The following SSBP2 variants were observed in gnomAD, a reference collection of about 807,000 sequenced individuals.
The protein encoded by SSBP2 is single stranded DNA binding protein 2.
Under a neutral mutation model 61.8 loss-of-function variants are expected in SSBP2, and 17 were observed. The ratio of observed to expected loss-of-function variants is 0.28; its 90% CI spans 0.19 to 0.41. The LOEUF (loss-of-function observed/expected upper bound fraction) is 0.41, where lower values mean the gene tolerates loss of function less well. Ranked by LOEUF, SSBP2 falls within the 10% of genes least tolerant of loss-of-function variation. The pLI, the probability that SSBP2 is intolerant of heterozygous loss-of-function variation, is 1.00. For synonymous variants in SSBP2, 139 were observed against 141.3 expected (o/e 0.98, Z 0.12); for missense variants, 310 against 458.7 (o/e 0.68, Z 2.96).
chr5:81,750,507 CCCCGCGCTG>C (rs1757680837), intron 1 of SSBP2, among the ~76,000 whole-genome samples: 1 of 146,814 alleles, frequency 6.8e-6, no homozygotes, highest in Non-Finnish European at 1.5e-5. Flanking sequence ...CCGCCGCGCT[CCCCGCGCTG>C]CCCGCCCCGA....
At chr5:81,622,442 A>G (rs1035589228) in intron 3 of SSBP2, among the ~76,000 whole-genome samples, 1 of 152,352 alleles carries the variant, frequency 6.6e-6, no homozygotes, top group Admixed American at 6.5e-5. Context: ...GGAGCAGGAC[A>G]TATCTGAGAC....
At position 81,543,478 on chromosome 5, in the gene SSBP2, A is replaced by G. The variant is rs375998448; in HGVS notation, c.283-29761T>C. ...GGGTACTCATGATCATAACGATGCC[A>G]GCAATAGACACTGAAGACTACTAGA... On this transcript the variant is annotated intron_variant, in intron 4 of 16. Coordinates refer to ENST00000320672, the MANE Select transcript of SSBP2 (RefSeq NM_012446.5). Among the ~76,000 whole-genome samples, 6 of 152,320 alleles carry G rather than the reference A, an allele frequency of 3.9e-5. No homozygotes were observed. The South Asian group carries it at 6.2e-4, about 16-fold the overall frequency.
chr5:81,693,866 G>A (rs1161323508), intron 1 of SSBP2, among the ~76,000 whole-genome samples: 4 of 152,130 alleles, frequency 2.6e-5, no homozygotes, highest in Non-Finnish European at 5.9e-5. Context: ...ATATTGAAGA[G>A]ATACCTGCAC....
intron 1 of SSBP2, among the ~76,000 whole-genome samples, chr5:81,668,902 T>C (rs534678445): frequency 6.6e-6 from 1 of 152,252 alleles, no homozygotes; most frequent in African/African-American, 2.4e-5. Context: ...CAAGTGTTCT[T>C]AAATTAAAAT....
chr5:81,574,817 G>C (rs1342978360), intron 4 of SSBP2, among the ~76,000 whole-genome samples: 1 of 151,982 alleles, frequency 6.6e-6, no homozygotes, highest in Non-Finnish European at 1.5e-5. Context: ...TGTCAACCTA[G>C]AGTTTTAAAT....
At chr5:81,455,807 T>C (rs1764105972) in intron 10 of SSBP2, among the ~76,000 whole-genome samples, 1 of 152,074 alleles carries the variant, frequency 6.6e-6, no homozygotes, top group Non-Finnish European at 1.5e-5. Flanking sequence ...GAGAATAAAA[T>C]TAAGGGCCAC....
intron 1 of SSBP2, among the ~76,000 whole-genome samples, chr5:81,731,534 G>A (rs1450057765): frequency 6.6e-6 from 1 of 152,084 alleles, no homozygotes; most frequent in Non-Finnish European, 1.5e-5. Flanking sequence ...TGTTCCAGTA[G>A]CCATTTCAGT....
rs116218984 is a variant in SSBP2 at position 81,607,373 on chromosome 5, C to A, written c.282+8100G>T. Among the ~76,000 whole-genome samples, 425 of 152,276 alleles carry A rather than the reference C, an allele frequency of 2.8e-3. 1 individual carries two copies. The highest frequency in any genetic ancestry group is 7.8e-3 in the African/African-American group (326 of 41,568). Reference sequence around the variant, plus strand: ...ATAGTATGCCTGAAGAATGTACATTCTTTCATTTATCCAGCCATTCTTTCA... The same window carrying A: ...ATAGTATGCCTGAAGAATGTACATTATTTCATTTATCCAGCCATTCTTTCA... On this transcript the variant is annotated intron_variant, in intron 4 of 16. Transcript: ENST00000320672.
Position 81,428,675 on chromosome 5 carries a change from G to T in SSBP2, c.966C>A (p.Pro322=), listed in dbSNP as rs774225155. ...GTTGATTACTCAGGCTCATATTATTGGGAGAATTCTGTAAACAAGATTTAG... is the reference window on the plus strand; with the variant it reads ...GTTGATTACTCAGGCTCATATTATTTGGAGAATTCTGTAAACAAGATTTAG... Residue 322 remains proline, a synonymous_variant, in exon 16 of 17, where the codon CCC becomes CCA. Coordinates refer to ENST00000320672, the MANE Select transcript of SSBP2 (RefSeq NM_012446.5). The T allele has an allele frequency of 3.7e-6, 6 of 1,611,544 alleles. No homozygotes were observed. Among genetic ancestry groups the T allele is most frequent in the Non-Finnish European group, 5.1e-6 (6 of 1,178,232 alleles).
At chr5:81,591,836 A>C (rs1321189096) in intron 4 of SSBP2, among the ~76,000 whole-genome samples, 1 of 151,912 alleles carries the variant, frequency 6.6e-6, no homozygotes, top group Non-Finnish European at 1.5e-5. Flanking sequence ...AACAACAACA[A>C]AAGAAAGGAC....
At chr5:81,448,856 G>T in intron 10 of SSBP2, 31 bp from the exon 11 acceptor site, 2 of 1,580,292 alleles carry the variant, frequency 1.3e-6, no homozygotes, top group South Asian at 2.2e-5. Context: ...AAAAATTTTT[G>T]ATTCATGTAG....
At chr5:81,620,210 G>T (rs867767740) in intron 3 of SSBP2, among the ~76,000 whole-genome samples, 1 of 115,078 alleles carries the variant, frequency 8.7e-6, no homozygotes, top group East Asian at 2.6e-4. Context: ...AAACCCCATC[G>T]TCTCAGCCCA....
At chr5:81,562,611 CA>C (rs1315828245) in intron 4 of SSBP2, among the ~76,000 whole-genome samples, 1 of 152,044 alleles carries the variant, frequency 6.6e-6, no homozygotes, top group East Asian at 1.9e-4. Context: ...ATGAGTAGAA[CA>C]AAATAAAGTG....
At chr5:81,576,489 G>A (rs1267897442) in intron 4 of SSBP2, among the ~76,000 whole-genome samples, 1 of 151,892 alleles carries the variant, frequency 6.6e-6, no homozygotes, top group Non-Finnish European at 1.5e-5. Flanking sequence ...GCACAGAGAG[G>A]TTCATTAACA....
In SSBP2 at chr5:81,625,940, T is replaced by TC. The variant is rs199953681; in HGVS notation, c.198-10384dup. ...ATAAAACGCCATGGAAAACATTTTT[T>TC]CTGAGGAACAAGCCACGTTGTTATA... On this transcript the variant is annotated intron_variant, in intron 3 of 16. Coordinates refer to ENST00000320672, the MANE Select transcript of SSBP2 (RefSeq NM_012446.5). 6.6e-3 allele frequency among the ~76,000 whole-genome samples: 1,005 copies of TC among 152,322 alleles called. 15 individuals carry two copies. Among genetic ancestry groups the TC allele is most frequent in the African/African-American group, 0.023 (965 of 41,572 alleles).
At chr5:81,669,716 AC>A (rs2153783858) in intron 1 of SSBP2, among the ~76,000 whole-genome samples, 1 of 152,056 alleles carries the variant, frequency 6.6e-6, no homozygotes, top group South Asian at 2.1e-4. Context: ...GCAGCAAACC[AC>A]CATGCCACAT....
At chr5:81,718,754 G>A (rs1015435299) in intron 1 of SSBP2, among the ~76,000 whole-genome samples, 2 of 152,168 alleles carry the variant, frequency 1.3e-5, no homozygotes, top group Non-Finnish European at 2.9e-5. Flanking sequence ...AATATTCAAT[G>A]AGACTATATT....
At chr5:81,435,815 C>CAAG (rs1762638249) in intron 15 of SSBP2, among the ~76,000 whole-genome samples, 1 of 152,082 alleles carries the variant, frequency 6.6e-6, no homozygotes, top group East Asian at 1.9e-4. Flanking sequence ...TCTGTAGATA[C>CAAG]AAGAATATGC....
intron 4 of SSBP2, among the ~76,000 whole-genome samples, chr5:81,606,972 T>A (rs991409818): frequency 9.2e-5 from 14 of 152,162 alleles, no homozygotes; most frequent in African/African-American, 3.1e-4. Flanking sequence ...ACAGCTATGA[T>A]AAGATTTGTG....
Sources: gnomAD v4.1 joint callset for allele counts (sites outside exome capture counted in the v4.1 genomes callset) on GRCh38, gnomAD v4.1.1 for gene constraint, MANE v1.5 for transcripts, NCBI Gene and HGNC (gene_info 2026-07-23, HGNC 2026-07-21) for gene names.